The following ALDH18A1 variants were observed in gnomAD, a reference collection of about 807,000 sequenced individuals.
ALDH18A1 encodes the protein delta-1-pyrroline-5-carboxylate synthase.
ALDH18A1 carries 44 observed loss-of-function variants against 88.8 expected under a neutral mutation model. The observed-to-expected ratio is 0.50, with a 90% CI of 0.39 to 0.64. The LOEUF (loss-of-function observed/expected upper bound fraction) is 0.64. Ranked by LOEUF, ALDH18A1 falls within the 30% of genes least tolerant of loss-of-function variation. The probability of loss-of-function intolerance (pLI) is 0.00; values close to 1 mark genes in which losing one functional copy is unlikely to be tolerated. For missense variants in ALDH18A1, 782 were observed against 1,009.5 expected (o/e 0.77, Z 3.05); for synonymous variants, 331 against 372.1 (o/e 0.89, Z 1.27).
intron 9 of ALDH18A1, 47 bp downstream of exon 9, chr10:95,627,395 C>A: frequency 1.2e-6 from 2 of 1,610,926 alleles, no homozygotes; most frequent in South Asian, 2.2e-5. Context: ...AGCCAGGTGT[C>A]ACTAGTTCCC....
In ALDH18A1 at chr10:95,637,282, C is replaced by T; in HGVS notation, c.453+5G>A. On this transcript the variant is annotated splice_donor_5th_base_variant and intron_variant, in intron 4 of 17. Coordinates refer to ENST00000371224, the MANE Select transcript of ALDH18A1 (RefSeq NM_002860.4). ...CATTTCAATGTGTGGGGAAGCAGCA[C>T]TCACCATTTCTTTCAGCTGGTTCTG... The T allele has an allele frequency of 1.2e-6, 2 of 1,614,250 alleles. No homozygotes were observed. Among genetic ancestry groups the T allele is most frequent in the African/African-American group, 1.3e-5 (1 of 75,064 alleles).
At position 95,621,154 on chromosome 10, in the gene ALDH18A1, C is replaced by G; in HGVS notation, c.1344G>C (p.Gln448His). Reference protein sequence around the residue: ...IGLRQIAASSQDSVGRVLRRT... With the variant: ...IGLRQIAASSHDSVGRVLRRT... The stretch of plus-strand genomic sequence containing the variant: ...GGCGCAAAACACGTCCCACGCTGTC[C>G]TGGGAGGAGGCTGCGATCTGTCGCA... The change falls in exon 12 of 18, where the codon CAG becomes CAC. Residue 448 changes from glutamine (Q) to histidine (H), a missense_variant. Coordinates refer to ENST00000371224, the MANE Select transcript of ALDH18A1 (RefSeq NM_002860.4). The G allele has an allele frequency of 6.2e-7, 1 of 1,614,002 alleles. No homozygotes were observed. The highest frequency in any genetic ancestry group is 8.5e-7 in the Non-Finnish European group (1 of 1,180,004).
chr10:95,641,820 T>G (rs1477430147), intron 3 of ALDH18A1, among the ~76,000 whole-genome samples: 1 of 151,584 alleles, frequency 6.6e-6, no homozygotes, highest in Non-Finnish European at 1.5e-5. Context: ...AAAAAAATTT[T>G]TGTAGAGATG....
intron 2 of ALDH18A1, among the ~76,000 whole-genome samples, chr10:95,643,711 C>CT (rs1269577211): frequency 3.3e-5 from 5 of 152,032 alleles, no homozygotes; most frequent in Non-Finnish European, 7.3e-5. Flanking sequence ...TATTTTATCT[C>CT]TTGATAGGAT....
intron 2 of ALDH18A1, 139 bp from the exon 3 acceptor site, chr10:95,643,345 G>T: frequency 2.3e-6 from 2 of 887,386 alleles, no homozygotes; most frequent in South Asian, 1.5e-5. Flanking sequence ...AACTAGCACA[G>T]TGTATCAAAA....
Position 95,611,408 on chromosome 10 carries a change from T to G in ALDH18A1, c.1958A>C (p.Tyr653Ser). 2.5e-6 allele frequency: 4 copies of G among 1,614,192 alleles called. No homozygotes were observed. Among genetic ancestry groups the G allele is most frequent in the Non-Finnish European group, 3.4e-6 (4 of 1,180,024 alleles). ...KIHAGPKFASYLTFSPSEVKS... is the reference protein window; with the variant it reads ...KIHAGPKFASSLTFSPSEVKS... ...CACTTCGGAGGGGCTGAAGGTCAGA[T>G]AGGAGGCAAATTTGGGGCCTGCATG... Residue 653 changes from tyrosine (Y) to serine (S), a missense_variant, in exon 16 of 18, where the codon TAT (tyrosine) becomes TCT (serine). Transcript: ENST00000371224.
intron 14 of ALDH18A1, 50 bp from the exon 15 acceptor site, chr10:95,613,913 G>A: frequency 6.2e-7 from 1 of 1,614,206 alleles, no homozygotes; most frequent in South Asian, 1.1e-5. Context: ...ATCCAGAGCT[G>A]CAGAGGATGT....
intron 8 of ALDH18A1, 98 bp downstream of exon 8, chr10:95,628,268 ATC>A: frequency 6.5e-7 from 1 of 1,536,798 alleles, no homozygotes; most frequent in Non-Finnish European, 9.0e-7. Context: ...TGTGCCTACT[ATC>A]TGAACCATTA....
chr10:95,616,377 A>C, intron 13 of ALDH18A1, 100 bp downstream of exon 13: 1 of 1,465,444 alleles, frequency 6.8e-7, no homozygotes, highest in Non-Finnish European at 9.3e-7. Flanking sequence ...GTCTGCTTGT[A>C]GTAGTGTCTT....
At chr10:95,613,666 TG>T in intron 15 of ALDH18A1, 75 bp downstream of exon 15, 1 of 1,437,484 alleles carries the variant, frequency 7.0e-7, no homozygotes, top group Non-Finnish European at 9.7e-7. Flanking sequence ...CTGCCTTATA[TG>T]GTATGGCTGT....
At chr10:95,607,415 A>T (rs983468868) in intron 17 of ALDH18A1, among the ~76,000 whole-genome samples, 1 of 152,344 alleles carries the variant, frequency 6.6e-6, no homozygotes, top group East Asian at 1.9e-4. Flanking sequence ...TACTGAATAC[A>T]TCAAAGGGTT....
intron 5 of ALDH18A1, among the ~76,000 whole-genome samples, chr10:95,634,833 C>G (rs1008890911): frequency 6.6e-6 from 1 of 152,148 alleles, no homozygotes. Context: ...TGAGGCTCAA[C>G]AATAAATAAT....
At chr10:95,626,841 GA>G in intron 9 of ALDH18A1, 65 bp from the exon 10 acceptor site, 1 of 1,534,724 alleles carries the variant, frequency 6.5e-7, no homozygotes, top group Non-Finnish European at 9.0e-7. Flanking sequence ...TCTACTACTA[GA>G]GAGAGAACTA....
intron 5 of ALDH18A1, among the ~76,000 whole-genome samples, chr10:95,634,244 C>G (rs1479352110): frequency 2.0e-5 from 3 of 152,132 alleles, no homozygotes; most frequent in Non-Finnish European, 2.9e-5. Flanking sequence ...TAGAGGGATA[C>G]TGGGGGAATC....
At chr10:95,620,367 A>C (rs2097850280) in intron 12 of ALDH18A1, among the ~76,000 whole-genome samples, 1 of 152,232 alleles carries the variant, frequency 6.6e-6, no homozygotes, top group African/African-American at 2.4e-5. Flanking sequence ...TGTGGAAGAC[A>C]GTGTGGCAAT....
chr10:95,653,991 T>A (rs1177643513), intron 1 of ALDH18A1, among the ~76,000 whole-genome samples: 1 of 152,146 alleles, frequency 6.6e-6, no homozygotes, highest in African/African-American at 2.4e-5. Context: ...AACATCTTAA[T>A]CCTGTGGAGG....
rs182106689 is a variant in ALDH18A1, at chr10:95,633,857, C to T, written c.559-208G>A. On this transcript the variant is annotated intron_variant, in intron 5 of 17. Coordinates refer to ENST00000371224, the MANE Select transcript of ALDH18A1 (RefSeq NM_002860.4). Reference sequence around the variant, plus strand: ...TTTGAGACAGGGTCTCATTCTGTCGCTCAGGCCGTAATGCAGTGGCATAAT... The same window carrying T: ...TTTGAGACAGGGTCTCATTCTGTCGTTCAGGCCGTAATGCAGTGGCATAAT... Among the ~76,000 whole-genome samples, 649 of 136,632 alleles carry T rather than the reference C, an allele frequency of 4.7e-3. 2 individuals are homozygous for T. The highest frequency in any genetic ancestry group is 0.032 in the Middle Eastern group (7 of 216). 89.6% of individuals were successfully genotyped at this position (136,632 alleles called of 152,430 possible). A position where few individuals can be genotyped will look rare whatever the true frequency, so the allele number is the denominator to read the frequency against.
chr10:95,621,208 T>C lies in ALDH18A1; in HGVS notation c.1290A>G (p.Thr430=), dbSNP rs776404338. The C allele has an allele frequency of 1.5e-5, 24 of 1,613,822 alleles. No homozygotes were observed. The highest frequency in any genetic ancestry group is 2.0e-5 in the Non-Finnish European group (24 of 1,179,952). Reference sequence around the variant, plus strand: ...CGATGGCCAGGCTGTTCAATTTGGATGTGGAGAGGCTTAAACGTTTCAGCA... The same window carrying C: ...CGATGGCCAGGCTGTTCAATTTGGACGTGGAGAGGCTTAAACGTTTCAGCA... ...APLLKRLSLS[T]SKLNSLAIGL... The change falls in exon 12 of 18, where the codon ACA becomes ACG. Residue 430 remains threonine, a synonymous_variant. Coordinates refer to ENST00000371224, the MANE Select transcript of ALDH18A1 (RefSeq NM_002860.4).
At chr10:95,649,860 G>A (rs1173510785) in intron 2 of ALDH18A1, among the ~76,000 whole-genome samples, 1 of 150,732 alleles carries the variant, frequency 6.6e-6, no homozygotes, top group East Asian at 1.9e-4. Context: ...TAGCCTGGGT[G>A]ACAGAGTGAC....
Sources: allele counts gnomAD v4.1 joint callset (sites outside exome capture counted in the v4.1 genomes callset), GRCh38; gene constraint gnomAD v4.1.1; transcripts MANE v1.5; gene names NCBI Gene and HGNC (gene_info 2026-07-23, HGNC 2026-07-21).